The following KSR2 variants were observed in gnomAD, a reference collection of about 807,000 sequenced individuals.
KSR2 encodes the protein kinase suppressor of ras 2.
KSR2 carries 25 observed loss-of-function variants against 107.8 expected under a neutral mutation model. The observed-to-expected ratio is 0.23, with a 90% CI of 0.17 to 0.32. The LOEUF (loss-of-function observed/expected upper bound fraction) is 0.32, where lower values mean the gene tolerates loss of function less well. KSR2 is among the 10% of genes least tolerant of loss of function. KSR2 has a pLI of 1.00. For synonymous variants in KSR2, 480 were observed against 507.0 expected (o/e 0.95, Z 0.71); for missense variants, 887 against 1,268.9 (o/e 0.70, Z 4.57).
At chr12:117,956,383 C>T (rs1896519101) in intron 1 of KSR2, among the ~76,000 whole-genome samples, 1 of 149,972 alleles carries the variant, frequency 6.7e-6, no homozygotes, top group Middle Eastern at 3.5e-3. Flanking sequence ...GCCTGGGCAA[C>T]ATAGCAAGAC....
At chr12:117,840,461 T>C (rs1892421617) in intron 3 of KSR2, among the ~76,000 whole-genome samples, 1 of 152,044 alleles carries the variant, frequency 6.6e-6, no homozygotes, top group Non-Finnish European at 1.5e-5. Flanking sequence ...AGTGGCATGA[T>C]CTCAGCTTAC....
At position 117,778,931 on chromosome 12, in the gene KSR2, C is replaced by T. The variant is rs116930565; in HGVS notation, c.473-17407G>A. Among the ~76,000 whole-genome samples, 1,060 of 152,278 alleles carry T rather than the reference C, an allele frequency of 7.0e-3. 32 individuals carry two copies. The highest frequency in any genetic ancestry group is 0.051 in the Admixed American group (776 of 15,296). ...AAAGCTAAAAGTAGCATTCGATGACCTTATGTGCTGCAAGGTGCCCTATTT... is the reference window on the plus strand; with the variant it reads ...AAAGCTAAAAGTAGCATTCGATGACTTTATGTGCTGCAAGGTGCCCTATTT... On this transcript the variant is annotated intron_variant, in intron 3 of 19. Coordinates refer to ENST00000339824, the MANE Select transcript of KSR2 (RefSeq NM_173598.6).
chr12:117,627,256 G>A (rs1882569710), intron 5 of KSR2, among the ~76,000 whole-genome samples: 1 of 152,106 alleles, frequency 6.6e-6, no homozygotes, highest in Admixed American at 6.5e-5. Context: ...ATGTTCACTG[G>A]TTATTTTGCC....
intron 8 of KSR2, 26 bp from the exon 9 acceptor site, chr12:117,555,319 G>T: frequency 6.2e-7 from 1 of 1,612,760 alleles, no homozygotes; most frequent in South Asian, 1.1e-5. Flanking sequence ...CATTGATTTG[G>T]GAGTTTAAGT....
chr12:117,746,236 A>G (rs1236847526), intron 4 of KSR2, among the ~76,000 whole-genome samples: 1 of 152,188 alleles, frequency 6.6e-6, no homozygotes, highest in Non-Finnish European at 1.5e-5. Flanking sequence ...AAACAGATAT[A>G]TAGACCAATG....
At position 117,719,597 on chromosome 12, in the gene KSR2, C is replaced by G. The variant is rs371339314; in HGVS notation, c.986+41414G>C. Reference sequence around the variant, plus strand: ...TGGGTGCTCCAGTTTGCCCCACTCCCCACCATTCCCTATTGTAAATCATTG... The same window carrying G: ...TGGGTGCTCCAGTTTGCCCCACTCCGCACCATTCCCTATTGTAAATCATTG... On this transcript the variant is annotated intron_variant, in intron 4 of 19. Coordinates refer to ENST00000339824, the MANE Select transcript of KSR2 (RefSeq NM_173598.6). 5.5e-4 allele frequency among the ~76,000 whole-genome samples: 84 copies of G among 152,312 alleles called. 2 individuals carry two copies. Among genetic ancestry groups the G allele is most frequent in the Middle Eastern group, 3.4e-3 (1 of 294 alleles).
rs372637688 is a variant in KSR2 at position 117,481,287 on chromosome 12, A to T, written c.2450+3129T>A. Among the ~76,000 whole-genome samples the T allele has an allele frequency of 7.2e-5, 11 of 152,218 alleles. No homozygotes were observed. The East Asian group carries it at 1.4e-3, about 19-fold the overall frequency. On this transcript the variant is annotated intron_variant, in intron 16 of 19. Coordinates refer to ENST00000339824, the MANE Select transcript of KSR2 (RefSeq NM_173598.6). ...ACTGAATTTTGCCTCCCCCAAATTT[A>T]GTATGTTGAACCCCTAACCCCCAAT...
intron 3 of KSR2, among the ~76,000 whole-genome samples, chr12:117,778,696 A>G (rs576999883): frequency 6.1e-4 from 93 of 152,252 alleles, no homozygotes; most frequent in South Asian, 1.5e-3. Flanking sequence ...GGGAGGGAGA[A>G]GGAGGTGAGA....
chr12:117,706,189 G>T (rs996788655), intron 4 of KSR2, among the ~76,000 whole-genome samples: 1 of 151,562 alleles, frequency 6.6e-6, no homozygotes, highest in Non-Finnish European at 1.5e-5. Flanking sequence ...GATTACAGGT[G>T]CATGCCACCA....
chr12:117,667,671 C>A lies in KSR2; in HGVS notation c.987-13G>T. The A allele has an allele frequency of 6.5e-7, 1 of 1,549,236 alleles. No individual in the cohort carries two copies. The highest frequency in any genetic ancestry group is 8.7e-7 in the Non-Finnish European group (1 of 1,151,558). On this transcript the variant is annotated splice_polypyrimidine_tract_variant and intron_variant, in intron 4 of 19. Transcript: ENST00000339824. ...CTTCTTCTTGGCTCTGAAAGGGAGA[C>A]AGAAAAAGAGGAAAAGGAAATATAT... is the stretch of plus-strand genomic sequence containing the variant.
intron 3 of KSR2, among the ~76,000 whole-genome samples, chr12:117,816,803 C>A (rs192082303): frequency 1.2e-3 from 184 of 152,274 alleles, no homozygotes; most frequent in Non-Finnish European, 1.7e-3. Flanking sequence ...TGGCAAAGAA[C>A]GATCATCACC....
chr12:117,613,846 G>A (rs142647485), intron 5 of KSR2, among the ~76,000 whole-genome samples: 3 of 152,208 alleles, frequency 2.0e-5, no homozygotes, highest in African/African-American at 7.2e-5. Flanking sequence ...CATCTTGCAC[G>A]GTTTTCCCTG....
At chr12:117,487,987 T>C (rs1872556616) in intron 14 of KSR2, among the ~76,000 whole-genome samples, 1 of 152,184 alleles carries the variant, frequency 6.6e-6, no homozygotes, top group Admixed American at 6.5e-5. Context: ...AGTGTCAAGA[T>C]CAGGGCCAGG....
chr12:117,767,165 G>A lies in KSR2; in HGVS notation c.473-5641C>T, dbSNP rs1468785368. Among the ~76,000 whole-genome samples the A allele has an allele frequency of 4.0e-5, 6 of 151,126 alleles. No individual in the cohort carries two copies. The East Asian group carries it at 1.2e-3, about 30-fold the overall frequency. ...GCGGTGGCTCACGCCTGTAATCCCA[G>A]TACTTTGGGAGGCCGAGATGGGCGG... On this transcript the variant is annotated intron_variant, in intron 3 of 19. Coordinates refer to ENST00000339824, the MANE Select transcript of KSR2 (RefSeq NM_173598.6).
chr12:117,917,038 G>A (rs1895198522), intron 1 of KSR2, among the ~76,000 whole-genome samples: 1 of 152,138 alleles, frequency 6.6e-6, no homozygotes, highest in Non-Finnish European at 1.5e-5. Flanking sequence ...TCAGTGCATT[G>A]TAGGATACTA....
chr12:117,494,428 C>A (rs1243516042), intron 14 of KSR2, among the ~76,000 whole-genome samples: 2 of 152,158 alleles, frequency 1.3e-5, no homozygotes, highest in Non-Finnish European at 2.9e-5. Context: ...CTTTAACCTG[C>A]AAATAGAGTT....
chr12:117,601,002 T>C (rs1880910542), intron 5 of KSR2, among the ~76,000 whole-genome samples: 1 of 152,168 alleles, frequency 6.6e-6, no homozygotes, highest in South Asian at 2.1e-4. Context: ...GTTTACTTAC[T>C]TACCTGCAGT....
chr12:117,545,026 T>C (rs1245348737), intron 9 of KSR2, among the ~76,000 whole-genome samples: 1 of 152,212 alleles, frequency 6.6e-6, no homozygotes, highest in Non-Finnish European at 1.5e-5. Context: ...TGATTTCTTT[T>C]ATCACGAATG....
At chr12:117,810,918 T>G (rs1278938206) in intron 3 of KSR2, among the ~76,000 whole-genome samples, 4 of 152,156 alleles carry the variant, frequency 2.6e-5, no homozygotes. Context: ...GAATGATGAT[T>G]GTGGGATGAA....
Sources: allele counts gnomAD v4.1 joint callset (sites outside exome capture counted in the v4.1 genomes callset), GRCh38; gene constraint gnomAD v4.1.1; transcripts MANE v1.5; gene names NCBI Gene and HGNC (gene_info 2026-07-23, HGNC 2026-07-21).